Variants in TMOD1 observed in about 807,000 individuals in gnomAD.
The protein encoded by TMOD1 is tropomodulin-1.
In TMOD1, 17 loss-of-function variants were observed where a neutral mutation model predicts 40.6. That is an observed-to-expected ratio of 0.42 (90% CI 0.29 to 0.63). TMOD1 has a LOEUF of 0.63. TMOD1 is among the 20% of genes least tolerant of loss of function. The pLI is 0.22. For synonymous variants in TMOD1, 181 were observed against 175.0 expected (o/e 1.03, Z -0.27); for missense variants, 391 against 447.6 (o/e 0.87, Z 1.14).
chr9:97,518,268 G>GT (rs1249636894), intron 1 of TMOD1, among the ~76,000 whole-genome samples: 2 of 150,676 alleles, frequency 1.3e-5, no homozygotes, highest in Admixed American at 1.3e-4. Context: ...TGTGCAGAGG[G>GT]TAGACACTGC....
At position 97,513,896 on chromosome 9, in the gene TMOD1, A is replaced by T. The variant is rs1829754430; in HGVS notation, c.-48-10245A>T. The T allele has an allele frequency of 6.6e-6, 1 of 152,240 alleles. No individual in the cohort carries two copies. Among genetic ancestry groups the T allele is most frequent in the Admixed American group, 6.5e-5 (1 of 15,282 alleles). 9.4% of individuals were successfully genotyped at this position (152,240 alleles called of 1,614,324 possible). On this transcript the variant is annotated intron_variant, in intron 1 of 9. Transcript: ENST00000259365. This position sits in a 1 kb window ranked among gnomAD's most constrained non-coding sequence, Gnocchi z 4.1. ...TTCAATGGATTGGAAGACACTAGGG[A>T]GGAAAAGGACATTCACATGTAAGCC...
At chr9:97,599,474 C>A (rs143707622) in intron 9 of TMOD1, among the ~76,000 whole-genome samples, 160 bp from the exon 10 acceptor site, 9 of 152,344 alleles carry the variant, frequency 5.9e-5, no homozygotes, top group Non-Finnish European at 1.2e-4. Flanking sequence ...GACTGGAGGG[C>A]TGTTGTACAA....
intron 9 of TMOD1, among the ~76,000 whole-genome samples, chr9:97,598,147 G>C (rs928277679): frequency 6.6e-6 from 1 of 151,932 alleles, no homozygotes; most frequent in Non-Finnish European, 1.5e-5. Context: ...TAGCCAACAT[G>C]GTGAACCCCC....
chr9:97,570,846 T>G (rs1830806817), intron 8 of TMOD1, among the ~76,000 whole-genome samples: 1 of 152,232 alleles, frequency 6.6e-6, no homozygotes. Flanking sequence ...TGCCTCAGTA[T>G]GGGGCTTTGT....
At position 97,601,361 on chromosome 9, in the gene TMOD1, AATGTGTC is replaced by A. The variant is rs1826254720; in HGVS notation, c.*1668_*1674del. The A allele has an allele frequency of 1.4e-5, 16 of 1,114,892 alleles. No homozygotes were observed. The South Asian group carries it at 3.0e-4, about 21-fold the overall frequency. 69.1% of individuals were successfully genotyped at this position (1,114,892 alleles called of 1,614,324 possible). On this transcript the variant is annotated 3_prime_UTR_variant, in exon 10 of 10. Transcript: ENST00000259365. The stretch of plus-strand genomic sequence containing the variant: ...GGCAGTGCTGGATGACCTCAGTAAG[AATGTGTC>A]ATGTATTCCAGGTGCTGATCTAAAA...
intron 1 of TMOD1, among the ~76,000 whole-genome samples, chr9:97,523,724 C>T (rs183847732): frequency 3.9e-4 from 59 of 152,172 alleles, no homozygotes; most frequent in African/African-American, 1.3e-3. Flanking sequence ...CTTAATTAAC[C>T]ACCGATACTC....
At chr9:97,585,606 A>C (rs1160899582) in intron 8 of TMOD1, among the ~76,000 whole-genome samples, 1 of 145,230 alleles carries the variant, frequency 6.9e-6, no homozygotes, top group African/African-American at 2.6e-5. Context: ...GTGTTTTCCA[A>C]CTTGGTTCCA....
intron 8 of TMOD1, among the ~76,000 whole-genome samples, chr9:97,587,587 T>C (rs1380139602): frequency 6.6e-6 from 1 of 151,962 alleles, no homozygotes; most frequent in Admixed American, 6.6e-5. Flanking sequence ...TACTGTGGAG[T>C]TTTTTTCTAA....
At position 97,600,867 on chromosome 9, in the gene TMOD1, GC is replaced by G; in HGVS notation, c.*1172del. On this transcript the variant is annotated 3_prime_UTR_variant, in exon 10 of 10. Transcript: ENST00000259365. ...TCCAGCAAAAGTGTTAAGCCACAAT[GC>G]CCTTGTGCCTTTTAATATACCACAG... is the stretch of plus-strand genomic sequence containing the variant. 1 of 1,102,016 alleles carries G rather than the reference GC, an allele frequency of 9.1e-7. No homozygotes were observed. Among genetic ancestry groups the G allele is most frequent in the Non-Finnish European group, 1.1e-6 (1 of 894,202 alleles). 68.3% of individuals were successfully genotyped at this position (1,102,016 alleles called of 1,614,324 possible).
intron 8 of TMOD1, among the ~76,000 whole-genome samples, chr9:97,586,780 C>A (rs969178724): frequency 6.6e-6 from 1 of 151,922 alleles, no homozygotes; most frequent in African/African-American, 2.4e-5. Flanking sequence ...AGGTGCCGTC[C>A]GTCACCCCTT....
At chr9:97,586,842 C>G (rs1338738962) in intron 8 of TMOD1, among the ~76,000 whole-genome samples, 1 of 152,244 alleles carries the variant, frequency 6.6e-6, no homozygotes, top group African/African-American at 2.4e-5. Context: ...CCAGGTGAGG[C>G]AATGCCTCGC....
chr9:97,601,032 C>T lies in TMOD1; in HGVS notation c.*1334C>T. On this transcript the variant is annotated 3_prime_UTR_variant, in exon 10 of 10. Coordinates refer to ENST00000259365, the MANE Select transcript of TMOD1 (RefSeq NM_003275.4). ...AGGCTGGTGATGAAAAGGTGAAGGC[C>T]TGCGCACTGAACTGTAAGGCAGTGG... 1 of 1,301,654 alleles carries T rather than the reference C, an allele frequency of 7.7e-7. No individual in the cohort carries two copies. The highest frequency in any genetic ancestry group is 1.2e-5 in the South Asian group (1 of 80,610). The allele number at this position is 1,301,654 out of a possible 1,614,324, so 80.6% of individuals were successfully genotyped here.
At position 97,601,689 on chromosome 9, in the gene TMOD1, C is replaced by A; in HGVS notation, c.*1991C>A. 1 of 580,020 alleles carries A rather than the reference C, an allele frequency of 1.7e-6. No individual in the cohort carries two copies. The highest frequency in any genetic ancestry group is 2.2e-6 in the Non-Finnish European group (1 of 458,786). 35.9% of individuals were successfully genotyped at this position (580,020 alleles called of 1,614,324 possible). On this transcript the variant is annotated 3_prime_UTR_variant, in exon 10 of 10. Coordinates refer to ENST00000259365, the MANE Select transcript of TMOD1 (RefSeq NM_003275.4). Reference sequence around the variant, plus strand: ...GCAACTATTCAACTCTGCCATAGATCATGTGTAAAGGAATGGGTGTGGCTG... The same window carrying A: ...GCAACTATTCAACTCTGCCATAGATAATGTGTAAAGGAATGGGTGTGGCTG...
chr9:97,587,411 A>T, intron 8 of TMOD1, among the ~76,000 whole-genome samples: 1 of 152,072 alleles, frequency 6.6e-6, no homozygotes, highest in Non-Finnish European at 1.5e-5. Flanking sequence ...TATTTTAGAG[A>T]TTTTGATAGG....
chr9:97,566,501 T>C (rs1042196445), intron 7 of TMOD1, among the ~76,000 whole-genome samples: 5 of 151,894 alleles, frequency 3.3e-5, no homozygotes, highest in African/African-American at 1.2e-4. Flanking sequence ...TGAAACCCCG[T>C]CTCTACTAAA....
At chr9:97,575,395 G>T (rs770290217) in intron 8 of TMOD1, among the ~76,000 whole-genome samples, 3 of 152,192 alleles carry the variant, frequency 2.0e-5, no homozygotes, top group Non-Finnish European at 2.9e-5. Flanking sequence ...CACTCACCTC[G>T]AGGGTCCGCG....
At chr9:97,576,628 A>C (rs1314137027) in intron 8 of TMOD1, among the ~76,000 whole-genome samples, 1 of 129,632 alleles carries the variant, frequency 7.7e-6, no homozygotes, top group African/African-American at 2.9e-5. Context: ...CATGATGGTT[A>C]CTTTTTTTTT....
At position 97,601,611 on chromosome 9, in the gene TMOD1, TAAAAGG is replaced by T; in HGVS notation, c.*1914_*1919del. 1 of 987,490 alleles carries T rather than the reference TAAAAGG, an allele frequency of 1.0e-6. No individual in the cohort carries two copies. The highest frequency in any genetic ancestry group is 1.2e-6 in the Non-Finnish European group (1 of 831,336). 61.2% of individuals were successfully genotyped at this position (987,490 alleles called of 1,614,324 possible). Reference sequence around the variant, plus strand: ...GATCAGGGGCTGGCAAACTTTTCTGTAAAAGGCCAGACAGTAAAAATTTCCGATTTT... The same window carrying T: ...GATCAGGGGCTGGCAAACTTTTCTGTCCAGACAGTAAAAATTTCCGATTTT... On this transcript the variant is annotated 3_prime_UTR_variant, in exon 10 of 10. Coordinates refer to ENST00000259365, the MANE Select transcript of TMOD1 (RefSeq NM_003275.4).
Position 97,591,400 on chromosome 9 carries a change from G to T in TMOD1, c.980G>T (p.Arg327Leu). The T allele has an allele frequency of 6.2e-7, 1 of 1,614,134 alleles. No homozygotes were observed. The highest frequency in any genetic ancestry group is 8.5e-7 in the Non-Finnish European group (1 of 1,180,018). Reference sequence around the variant, plus strand: ...TTTACCCAGCAAGGACCCCGGCTTCGGGCATCCAACGCAATGATGAACAAC... The same window carrying T: ...TTTACCCAGCAAGGACCCCGGCTTCTGGCATCCAACGCAATGATGAACAAC... ...YHFTQQGPRL[R>L]ASNAMMNNND... is the part of the protein sequence containing the mutation. Residue 327 changes from arginine to leucine, a missense_variant, in exon 9 of 10, where the codon CGG (arginine) becomes CTG (leucine). By Grantham distance (102) the Arg-to-Leu change is moderately radical (BLOSUM62 -2). Coordinates refer to ENST00000259365, the MANE Select transcript of TMOD1 (RefSeq NM_003275.4).
Sources: allele counts gnomAD v4.1 joint callset (sites outside exome capture counted in the v4.1 genomes callset), GRCh38; gene constraint gnomAD v4.1.1; non-coding constraint Gnocchi (gnomAD v3.1); transcripts MANE v1.5; gene names NCBI Gene and HGNC (gene_info 2026-07-23, HGNC 2026-07-21).